Variants in RTN4IP1 observed in about 807,000 individuals in gnomAD.
RTN4IP1 encodes the protein NAD(P)H oxidoreductase RTN4IP1, mitochondrial.
In RTN4IP1, 32 loss-of-function variants were observed where a neutral mutation model predicts 46.6. The ratio of observed to expected loss-of-function variants is 0.69; its 90% CI spans 0.52 to 0.92. The LOEUF (loss-of-function observed/expected upper bound fraction) is 0.92, where lower values mean the gene tolerates loss of function less well. Among genes scored for constraint, RTN4IP1 ranks in the 40% least tolerant of loss-of-function variants. The pLI is 0.00. For synonymous variants in RTN4IP1, 167 were observed against 161.8 expected (o/e 1.03, Z -0.24); for missense variants, 424 against 485.8 (o/e 0.87, Z 1.20).
intron 8 of RTN4IP1, among the ~76,000 whole-genome samples, chr6:106,573,162 C>T (rs1775124469): frequency 6.6e-6 from 1 of 152,208 alleles, no homozygotes; most frequent in East Asian, 1.9e-4. Context: ...CCTTCTGAAA[C>T]TAGGTCCCAG....
intron 1 of RTN4IP1, among the ~76,000 whole-genome samples, chr6:106,626,930 T>C (rs898260278): frequency 2.0e-5 from 3 of 152,214 alleles, no homozygotes; most frequent in Admixed American, 1.3e-4. Flanking sequence ...GCCATTTCTA[T>C]GATTTATTAT....
chr6:106,601,479 A>T (rs1775946933), intron 5 of RTN4IP1, among the ~76,000 whole-genome samples: 1 of 152,160 alleles, frequency 6.6e-6, no homozygotes, highest in Non-Finnish European at 1.5e-5. Context: ...TCTGTTGCCA[A>T]ATCTACAATC....
chr6:106,579,854 T>C (rs1003277139), intron 8 of RTN4IP1, among the ~76,000 whole-genome samples: 1 of 151,564 alleles, frequency 6.6e-6, no homozygotes, highest in Admixed American at 6.6e-5. Flanking sequence ...GCCCAAGCGA[T>C]CCTCCCACCT....
chr6:106,571,733 GAAGGTGCCACAAC>G lies in RTN4IP1; in HGVS notation c.*250_*262del. 1 of 388,828 alleles carries G rather than the reference GAAGGTGCCACAAC, an allele frequency of 2.6e-6. No individual in the cohort carries two copies. Among genetic ancestry groups the G allele is most frequent in the Non-Finnish European group, 4.7e-6 (1 of 212,768 alleles). 24.1% of individuals were successfully genotyped at this position (388,828 alleles called of 1,614,324 possible). ...TAAAGTAGTTTAAGCTAGTAAAACA[GAAGGTGCCACAAC>G]AACCTGCAAAGCCAGTGTGAAGGAA... On this transcript the variant is annotated 3_prime_UTR_variant, in exon 9 of 9. Transcript: ENST00000369063.
Position 106,629,391 on chromosome 6 carries a change from C to G in RTN4IP1, c.-370G>C. The G allele has an allele frequency of 1.8e-6, 1 of 568,456 alleles. No individual in the cohort carries two copies. The highest frequency in any genetic ancestry group is 2.2e-5 in the South Asian group (1 of 45,380). The allele number at this position is 568,456 out of a possible 1,614,324, so 35.2% of individuals were successfully genotyped here. On this transcript the variant is annotated 5_prime_UTR_variant, in exon 1 of 9. Coordinates refer to ENST00000369063, the MANE Select transcript of RTN4IP1 (RefSeq NM_032730.5). ...AGCCCTCGGCGGGACAAGCAGACACCGCTCGCGATCCAACGCCAGAGAATC... is the reference window on the plus strand; with the variant it reads ...AGCCCTCGGCGGGACAAGCAGACACGGCTCGCGATCCAACGCCAGAGAATC...
At chr6:106,604,677 T>G (rs79202240) in intron 4 of RTN4IP1, among the ~76,000 whole-genome samples, 2,913 of 152,262 alleles carry the variant, frequency 0.019, 75 homozygotes, top group African/African-American at 0.068. Flanking sequence ...ACAGCCCAGA[T>G]GAATTTTGTC....
chr6:106,584,688 T>C (rs1045018562), intron 7 of RTN4IP1, among the ~76,000 whole-genome samples: 2 of 152,246 alleles, frequency 1.3e-5, no homozygotes, highest in Non-Finnish European at 2.9e-5. Context: ...GCCTCACACA[T>C]AGGAAGTATT....
intron 6 of RTN4IP1, among the ~76,000 whole-genome samples, chr6:106,591,211 A>C (rs1479791809): frequency 6.6e-6 from 1 of 152,138 alleles, no homozygotes; most frequent in African/African-American, 2.4e-5. Context: ...AAAACCGCCC[A>C]AACAAGAATG....
intron 6 of RTN4IP1, among the ~76,000 whole-genome samples, chr6:106,591,789 A>G (rs942994583): frequency 2.0e-5 from 3 of 152,146 alleles, no homozygotes; most frequent in African/African-American, 7.2e-5. Context: ...CCAAAACACG[A>G]AAGTATGTTT....
intron 5 of RTN4IP1, among the ~76,000 whole-genome samples, chr6:106,597,803 T>A (rs1775836094): frequency 6.6e-6 from 1 of 152,028 alleles, no homozygotes; most frequent in Admixed American, 6.5e-5. Flanking sequence ...CACTAACTCG[T>A]CATCTAGCAT....
intron 5 of RTN4IP1, among the ~76,000 whole-genome samples, chr6:106,599,890 A>T (rs1471723779): frequency 5.3e-5 from 8 of 151,660 alleles, no homozygotes; most frequent in Admixed American, 5.2e-4. Context: ...GTAGATGCCA[A>T]ATGGTTTTCT....
Position 106,593,607 on chromosome 6 carries a change from T to C in RTN4IP1, c.670-1307A>G, listed in dbSNP as rs1253365485. Reference sequence around the variant, plus strand: ...GGATCTGTGTTTGTCTGGTTCACTATTGAATCCCTACTCCATGGCACACAA... The same window carrying C: ...GGATCTGTGTTTGTCTGGTTCACTACTGAATCCCTACTCCATGGCACACAA... On this transcript the variant is annotated intron_variant, in intron 5 of 8. Coordinates refer to ENST00000369063, the MANE Select transcript of RTN4IP1 (RefSeq NM_032730.5). Among the ~76,000 whole-genome samples, 3 of 152,236 alleles carry C rather than the reference T, an allele frequency of 2.0e-5. No homozygotes were observed. The East Asian group carries it at 5.8e-4, about 29-fold the overall frequency.
upstream of RTN4IP1, chr6:106,629,703 G>A (rs376227484): frequency 1.2e-6 from 2 of 1,606,164 alleles, no homozygotes; most frequent in African/African-American, 1.3e-5. Context: ...GAGCCTCCGA[G>A]AAGTGAGTGG....
At chr6:106,603,435 G>A (rs1190670435) in intron 4 of RTN4IP1, among the ~76,000 whole-genome samples, 1 of 152,168 alleles carries the variant, frequency 6.6e-6, no homozygotes, top group Non-Finnish European at 1.5e-5. Flanking sequence ...TCCTGTTAAA[G>A]CAGAGGAATC....
chr6:106,626,744 T>C (rs1460296262), intron 1 of RTN4IP1, among the ~76,000 whole-genome samples: 1 of 152,204 alleles, frequency 6.6e-6, no homozygotes, highest in East Asian at 1.9e-4. Flanking sequence ...CCTTAAGTGT[T>C]CCATCCTATT....
intron 6 of RTN4IP1, among the ~76,000 whole-genome samples, chr6:106,589,132 A>G (rs373351182): frequency 1.7e-4 from 17 of 99,382 alleles, no homozygotes; most frequent in African/African-American, 4.3e-4. Flanking sequence ...AAGAGGAAGA[A>G]GAAGAAGAGG....
chr6:106,628,688 C>A, intron 1 of RTN4IP1, 60 bp downstream of exon 1: 2 of 1,446,458 alleles, frequency 1.4e-6, no homozygotes, highest in Non-Finnish European at 1.9e-6. Flanking sequence ...TTTTTTAAAA[C>A]GGCATACCTT....
In RTN4IP1 at chr6:106,629,073, T is replaced by TCAAA. The variant is rs1483340095; in HGVS notation, c.-56_-53dup. ...CAAATTCAAATACACTTGGACTGGA[T>TCAAA]CAAACTCTCACCCCTGAATTCAGTC... On this transcript the variant is annotated 5_prime_UTR_variant, in exon 1 of 9. Coordinates refer to ENST00000369063, the MANE Select transcript of RTN4IP1 (RefSeq NM_032730.5). The TCAAA allele has an allele frequency of 7.2e-6, 11 of 1,535,294 alleles. No homozygotes were observed. The highest frequency in any genetic ancestry group is 7.0e-6 in the Non-Finnish European group (8 of 1,135,490).
At chr6:106,600,777 A>G (rs1048849664) in intron 5 of RTN4IP1, among the ~76,000 whole-genome samples, 1 of 152,132 alleles carries the variant, frequency 6.6e-6, no homozygotes, top group African/African-American at 2.4e-5. Flanking sequence ...TGGCTGATAT[A>G]TAATATAGAT....
Sources: gnomAD v4.1 joint callset for allele counts (sites outside exome capture counted in the v4.1 genomes callset) on GRCh38, gnomAD v4.1.1 for gene constraint, MANE v1.5 for transcripts, NCBI Gene and HGNC (gene_info 2026-07-23, HGNC 2026-07-21) for gene names.